ABCA1: variants seen among roughly 807,000 people sequenced by gnomAD.
The protein encoded by ABCA1 is ATP binding cassette subfamily A member 1, also known as phospholipid-transporting ATPase ABCA1.
Under a neutral mutation model 262.5 loss-of-function variants are expected in ABCA1, and 133 were observed. That is an observed-to-expected ratio of 0.51 (90% CI 0.44 to 0.59). The LOEUF (loss-of-function observed/expected upper bound fraction) is 0.59. Among genes scored for constraint, ABCA1 ranks in the 20% least tolerant of loss-of-function variants. The pLI, the probability that ABCA1 is intolerant of heterozygous loss-of-function variation, is 0.00. For synonymous variants in ABCA1, 1,022 were observed against 1,043.5 expected (o/e 0.98, Z 0.40); for missense variants, 2,452 against 2,777.5 (o/e 0.88, Z 2.63).
chr9:104,803,694 G>A (rs1365689893), intron 32 of ABCA1, among the ~76,000 whole-genome samples: 7 of 151,552 alleles, frequency 4.6e-5, no homozygotes, highest in African/African-American at 1.2e-4. Context: ...TGCAACCTCC[G>A]CCTCCCAGAT....
intron 28 of ABCA1, among the ~76,000 whole-genome samples, chr9:104,811,245 T>A (rs1173817106): frequency 2.6e-5 from 4 of 152,210 alleles, no homozygotes; most frequent in African/African-American, 4.8e-5. Flanking sequence ...CTGCCCTTCC[T>A]CCTCCTGAAG....
At chr9:104,886,240 G>C (rs760748039) in intron 3 of ABCA1, among the ~76,000 whole-genome samples, 6 of 152,152 alleles carry the variant, frequency 3.9e-5, no homozygotes, top group Non-Finnish European at 5.9e-5. Context: ...TGGGAACCTT[G>C]TTTTATTCAT....
chr9:104,791,052 A>T, intron 43 of ABCA1, 24 bp from the exon 44 acceptor site: 2 of 1,552,550 alleles, frequency 1.3e-6, no homozygotes, highest in Non-Finnish European at 1.8e-6. Flanking sequence ...ATTAAGTTGT[A>T]TAAGCAAACT....
At position 104,781,627 on chromosome 9, in the gene ABCA1, T is replaced by C. The variant is rs1449160148; in HGVS notation, c.*2688A>G. 1 of 152,552 alleles carries C rather than the reference T, an allele frequency of 6.6e-6. No homozygotes were observed. The highest frequency in any genetic ancestry group is 1.5e-5 in the Non-Finnish European group (1 of 67,978). The allele number at this position is 152,552 out of a possible 1,614,324, so 9.4% of individuals were successfully genotyped here. ...TTTCAGTACAGATAATGAAATACAG[T>C]AGTGTGAGGTTTGGTTGTTTTTTAA... On this transcript the variant is annotated 3_prime_UTR_variant, in exon 50 of 50. Transcript: ENST00000374736.
At chr9:104,842,992 T>A (rs1170406535) in intron 8 of ABCA1, among the ~76,000 whole-genome samples, 1 of 152,212 alleles carries the variant, frequency 6.6e-6, no homozygotes, top group Non-Finnish European at 1.5e-5. Flanking sequence ...AATGTCTTTG[T>A]ATCTGCCATT....
rs558671686 is a variant in ABCA1 at position 104,919,101 on chromosome 9, C to G, written c.-93+8834G>C. On this transcript the variant is annotated intron_variant, in intron 1 of 49. Transcript: ENST00000374736. Reference sequence around the variant, plus strand: ...TTCTAATTTGTTATGATCTCTCAAACAACAAATTTGGTACAGTGCTTTAGA... The same window carrying G: ...TTCTAATTTGTTATGATCTCTCAAAGAACAAATTTGGTACAGTGCTTTAGA... 2.6e-5 allele frequency among the ~76,000 whole-genome samples: 4 copies of G among 152,294 alleles called. No homozygotes were observed. The South Asian group carries it at 8.3e-4, about 32-fold the overall frequency.
At chr9:104,861,904 TC>T (rs1836431123) in intron 5 of ABCA1, 104 bp from the exon 6 acceptor site, 1 of 1,060,434 alleles carries the variant, frequency 9.4e-7, no homozygotes, top group African/African-American at 1.6e-5. Flanking sequence ...ATATTGATGA[TC>T]AACAGTTGCC....
intron 15 of ABCA1, 149 bp downstream of exon 15, chr9:104,828,767 C>T: frequency 2.1e-6 from 2 of 949,490 alleles, no homozygotes; most frequent in Non-Finnish European, 1.6e-6. Context: ...TCACTTTCCC[C>T]AACTATAAAT....
At chr9:104,831,971 C>A (rs1833377925) in intron 12 of ABCA1, 144 bp from the exon 13 acceptor site, 1 of 829,900 alleles carries the variant, frequency 1.2e-6, no homozygotes, top group South Asian at 1.4e-5. Flanking sequence ...GTTTTCCAAC[C>A]TTCAACCAAG....
chr9:104,918,387 T>C (rs1432588794), intron 1 of ABCA1, among the ~76,000 whole-genome samples: 1 of 152,152 alleles, frequency 6.6e-6, no homozygotes. Context: ...TGTCTTATAA[T>C]CCAGGACAAA....
intron 10 of ABCA1, among the ~76,000 whole-genome samples, 163 bp from the exon 11 acceptor site, chr9:104,837,259 C>G (rs1833903067): frequency 6.6e-6 from 1 of 152,222 alleles, no homozygotes; most frequent in South Asian, 2.1e-4. Context: ...ATACCCACGA[C>G]TGGGGAGCTG....
At chr9:104,915,246 A>G (rs1174380736) in intron 1 of ABCA1, among the ~76,000 whole-genome samples, 2 of 152,220 alleles carry the variant, frequency 1.3e-5, no homozygotes, top group Non-Finnish European at 2.9e-5. Flanking sequence ...CTCTTGAGAC[A>G]GTCATATGTC....
intron 1 of ABCA1, among the ~76,000 whole-genome samples, chr9:104,905,200 G>A (rs1057016435): frequency 1.3e-5 from 2 of 152,212 alleles, no homozygotes; most frequent in African/African-American, 4.8e-5. Context: ...CACTGGGCAT[G>A]AGGAACAAGG....
intron 2 of ABCA1, among the ~76,000 whole-genome samples, chr9:104,902,280 T>C (rs893531403): frequency 6.6e-6 from 1 of 152,266 alleles, no homozygotes; most frequent in African/African-American, 2.4e-5. Flanking sequence ...CCCAAGTTTA[T>C]ATTTGTGTTT....
At chr9:104,843,482 G>A (rs897062174) in intron 8 of ABCA1, among the ~76,000 whole-genome samples, 1 of 152,142 alleles carries the variant, frequency 6.6e-6, no homozygotes, top group East Asian at 1.9e-4. Flanking sequence ...AGTTTTTCAC[G>A]AAGCAGGCAA....
intron 5 of ABCA1, among the ~76,000 whole-genome samples, chr9:104,868,758 G>T (rs115404932): frequency 6.6e-6 from 1 of 152,182 alleles, no homozygotes; most frequent in Non-Finnish European, 1.5e-5. Flanking sequence ...TGGAAGAAAC[G>T]AAGCAGAACC....
intron 7 of ABCA1, among the ~76,000 whole-genome samples, chr9:104,851,670 C>T (rs1835393413): frequency 6.6e-6 from 1 of 152,240 alleles, no homozygotes; most frequent in Non-Finnish European, 1.5e-5. Context: ...AGAGCGTCTC[C>T]TGCTCTATAC....
chr9:104,894,986 G>A (rs931703351), intron 2 of ABCA1, among the ~76,000 whole-genome samples: 2 of 152,170 alleles, frequency 1.3e-5, no homozygotes, highest in Non-Finnish European at 2.9e-5. Context: ...ACTTCTGCCA[G>A]GATATGCCAT....
chr9:104,830,540 G>C (rs1429755433), intron 14 of ABCA1, among the ~76,000 whole-genome samples: 1 of 151,790 alleles, frequency 6.6e-6, no homozygotes, highest in Non-Finnish European at 1.5e-5. Flanking sequence ...AATACAAAAA[G>C]TCAGCCGGGC....
Sources: allele counts gnomAD v4.1 joint callset (sites outside exome capture counted in the v4.1 genomes callset), GRCh38; gene constraint gnomAD v4.1.1; transcripts MANE v1.5; gene names NCBI Gene and HGNC (gene_info 2026-07-23, HGNC 2026-07-21).